The following ADSS2 variants were observed in gnomAD, a reference collection of about 807,000 sequenced individuals.
The protein encoded by ADSS2 is adenylosuccinate synthase 2, also known as adenylosuccinate synthetase isozyme 2.
Under a neutral mutation model 60.0 loss-of-function variants are expected in ADSS2, and 30 were observed. That is an observed-to-expected ratio of 0.50 (90% CI 0.37 to 0.68). The LOEUF is 0.68. Ranked by LOEUF, ADSS2 falls within the 30% of genes least tolerant of loss-of-function variation. The probability of loss-of-function intolerance (pLI) is 0.00; values close to 1 mark genes in which losing one functional copy is unlikely to be tolerated. For synonymous variants in ADSS2, 187 were observed against 193.1 expected, an observed-to-expected ratio of 0.97 and a Z score of 0.26; for missense variants, 373 against 554.8, an observed-to-expected ratio of 0.67 and a Z score of 3.29.
At chr1:244,425,335 T>C (rs1230356172) in intron 4 of ADSS2, among the ~76,000 whole-genome samples, 2 of 152,220 alleles carry the variant, frequency 1.3e-5, no homozygotes, top group Non-Finnish European at 2.9e-5. Context: ...CCATTTAAGA[T>C]GTACAATTTA....
At chr1:244,426,149 A>T (rs1385695318) in intron 4 of ADSS2, among the ~76,000 whole-genome samples, 2 of 152,200 alleles carry the variant, frequency 1.3e-5, no homozygotes, top group Non-Finnish European at 2.9e-5. Flanking sequence ...ATAGTTCTGA[A>T]GGGCTGTTTT....
chr1:244,417,010 C>T (rs538162229), intron 10 of ADSS2, among the ~76,000 whole-genome samples: 1 of 152,156 alleles, frequency 6.6e-6, no homozygotes. Context: ...CAGTCTAATA[C>T]AGATATGAAT....
chr1:244,436,738 A>G lies in ADSS2; in HGVS notation c.355+87T>C, dbSNP rs999403424. ...TAATAGCCCGAAATTTTAAAGCATAAGACAAACATGTTGTTCGTCTGGCAT... is the reference window on the plus strand; with the variant it reads ...TAATAGCCCGAAATTTTAAAGCATAGGACAAACATGTTGTTCGTCTGGCAT... On this transcript the variant is annotated intron_variant, in intron 3 of 12. Transcript: ENST00000366535. The G allele has an allele frequency of 4.2e-6, 5 of 1,199,574 alleles. No individual in the cohort carries two copies. In the African/African-American group the frequency reaches 6.1e-5, roughly 15 times the overall value. 74.3% of individuals were successfully genotyped at this position (1,199,574 alleles called of 1,614,324 possible). A position where few individuals can be genotyped will look rare whatever the true frequency, so the allele number is the denominator to read the frequency against.
At chr1:244,451,933 C>G, upstream of ADSS2, 1 of 1,117,166 alleles carries the variant, frequency 9.0e-7, no homozygotes, top group Non-Finnish European at 1.2e-6. The surrounding 1 kb of genome is among the most constrained non-coding windows in gnomAD (Gnocchi z 6.6). Context: ...GAGGCCGGCC[C>G]CGCCCCCGCC....
At chr1:244,436,754 C>A in intron 3 of ADSS2, 71 bp downstream of exon 3, 1 of 1,298,422 alleles carries the variant, frequency 7.7e-7, no homozygotes, top group South Asian at 1.3e-5. Context: ...ACATGTTGTT[C>A]GTCTGGCATA....
At chr1:244,429,285 T>A (rs1255511006) in intron 4 of ADSS2, among the ~76,000 whole-genome samples, 1 of 152,216 alleles carries the variant, frequency 6.6e-6, no homozygotes, top group African/African-American at 2.4e-5. Context: ...CTACGCTCCA[T>A]ATCACCCAGC....
intron 3 of ADSS2, 76 bp from the exon 4 acceptor site, chr1:244,432,671 T>TTC: frequency 9.4e-7 from 1 of 1,069,100 alleles, no homozygotes; most frequent in Non-Finnish European, 1.3e-6. Flanking sequence ...TTTTTTTTTT[T>TTC]TTTTTTTTTT....
intron 4 of ADSS2, among the ~76,000 whole-genome samples, chr1:244,425,744 C>T (rs1472793022): frequency 6.6e-5 from 10 of 152,208 alleles, no homozygotes; most frequent in Middle Eastern, 3.4e-3. Flanking sequence ...TGATGCTGTA[C>T]ATACTAATTA....
At chr1:244,439,102 A>G (rs925554774) in intron 1 of ADSS2, among the ~76,000 whole-genome samples, 1 of 151,922 alleles carries the variant, frequency 6.6e-6, no homozygotes, top group Non-Finnish European at 1.5e-5. Context: ...CATGAGTTCC[A>G]CTGTTTTAAT....
At chr1:244,423,003 G>A (rs1664710537) in intron 6 of ADSS2, 87 bp from the exon 7 acceptor site, 2 of 864,976 alleles carry the variant, frequency 2.3e-6, no homozygotes, top group South Asian at 2.2e-5. Context: ...TTCTGCAGAT[G>A]GTAAATGATC....
Position 244,451,147 on chromosome 1 carries a change from A to G in ADSS2, c.183+488T>C, listed in dbSNP as rs991945730. ...ATGGGGGATCGGTGAGTCTGATTTC[A>G]GGACGTTTCGAAACAATCCACTCCC... On this transcript the variant is annotated intron_variant, in intron 1 of 12. Transcript: ENST00000366535. This position sits in a 1 kb window ranked among gnomAD's most constrained non-coding sequence, Gnocchi z 6.6. Among the ~76,000 whole-genome samples the G allele has an allele frequency of 6.6e-6, 1 of 152,264 alleles. No individual in the cohort carries two copies. Among genetic ancestry groups the G allele is most frequent in the East Asian group, 1.9e-4 (1 of 5,150 alleles).
chr1:244,423,295 C>T, intron 6 of ADSS2, among the ~76,000 whole-genome samples: 1 of 152,170 alleles, frequency 6.6e-6, no homozygotes, highest in East Asian at 1.9e-4. Context: ...GAGAGGCAGA[C>T]ATTAGCAATC....
chr1:244,449,974 C>T (rs1038666753), intron 1 of ADSS2, among the ~76,000 whole-genome samples: 2 of 152,286 alleles, frequency 1.3e-5, no homozygotes, highest in Middle Eastern at 3.4e-3. Context: ...AATTGAGGAT[C>T]CTTTAGAATA....
chr1:244,435,194 A>AAAAAAAAAACAAAAAAAC (rs1553308065), intron 3 of ADSS2, among the ~76,000 whole-genome samples: 1 of 127,852 alleles, frequency 7.8e-6, no homozygotes, highest in African/African-American at 3.2e-5. Flanking sequence ...AAAAAAAAAA[A>AAAAAAAAAACAAAAAAAC]AAACAAACCT....
At chr1:244,429,448 G>T (rs897323030) in intron 4 of ADSS2, among the ~76,000 whole-genome samples, 1 of 152,194 alleles carries the variant, frequency 6.6e-6, no homozygotes, top group African/African-American at 2.4e-5. Context: ...AGAACTGTCC[G>T]TTCAGTGCCA....
At chr1:244,449,920 T>A (rs1223335611) in intron 1 of ADSS2, among the ~76,000 whole-genome samples, 3 of 152,202 alleles carry the variant, frequency 2.0e-5, no homozygotes, top group African/African-American at 7.2e-5. Context: ...TAACACCTTC[T>A]CCAAGCTACA....
At chr1:244,444,340 C>T (rs957748257) in intron 1 of ADSS2, among the ~76,000 whole-genome samples, 1 of 146,670 alleles carries the variant, frequency 6.8e-6, no homozygotes, top group Non-Finnish European at 1.5e-5. Context: ...ACGGTGAAAC[C>T]CCGTCTCTAC....
At chr1:244,409,698 G>T in intron 12 of ADSS2, 60 bp from the exon 13 acceptor site, 1 of 1,352,738 alleles carries the variant, frequency 7.4e-7, no homozygotes, top group Non-Finnish European at 1.1e-6. Context: ...TCACTCGTTG[G>T]GATTAAAACA....
At chr1:244,423,699 C>A (rs1282303844) in intron 6 of ADSS2, among the ~76,000 whole-genome samples, 2 of 152,148 alleles carry the variant, frequency 1.3e-5, no homozygotes, top group Admixed American at 6.6e-5. Context: ...TTCCATATTT[C>A]AATTCTTAAA....
Sources: gnomAD v4.1 joint callset for allele counts (sites outside exome capture counted in the v4.1 genomes callset) on GRCh38, gnomAD v4.1.1 for gene constraint, Gnocchi (gnomAD v3.1) non-coding constraint, MANE v1.5 for transcripts, NCBI Gene and HGNC (gene_info 2026-07-23, HGNC 2026-07-21) for gene names.